The following MAP3K11 variants were observed in gnomAD, a reference collection of about 807,000 sequenced individuals.
The protein encoded by MAP3K11 is mitogen-activated protein kinase kinase kinase 11.
Under a neutral mutation model 84.9 loss-of-function variants are expected in MAP3K11, and 46 were observed. The ratio of observed to expected loss-of-function variants is 0.54; its 90% CI spans 0.43 to 0.69. The LOEUF is 0.69. Ranked by LOEUF, MAP3K11 falls within the 30% of genes least tolerant of loss-of-function variation. MAP3K11 has a pLI of 0.00. For missense variants in MAP3K11, 1,053 were observed against 1,198.3 expected, an observed-to-expected ratio of 0.88 and a Z score of 1.79; for synonymous variants, 527 against 514.7, an observed-to-expected ratio of 1.02 and a Z score of -0.32.
chr11:65,608,602 ACATTT>A (rs1041360464), intron 1 of MAP3K11, 154 bp from the exon 2 acceptor site: 1 of 616,682 alleles, frequency 1.6e-6, no homozygotes, highest in African/African-American at 1.9e-5. Context: ...TTGAGGTCAG[ACATTT>A]CTTTTCTTTT....
At chr11:65,604,513 T>C (rs1023933767) in intron 8 of MAP3K11, among the ~76,000 whole-genome samples, 1 of 152,218 alleles carries the variant, frequency 6.6e-6, no homozygotes, top group Non-Finnish European at 1.5e-5. Context: ...GCCTCTGTGG[T>C]CAGACAGGCA....
rs2135375223 is a variant in MAP3K11, at chr11:65,613,310, G to A, written c.447C>T (p.Asp149=). The A allele has an allele frequency of 1.2e-6, 2 of 1,613,170 alleles. No homozygotes were observed. The highest frequency in any genetic ancestry group is 2.2e-5 in the East Asian group (1 of 44,884). Residue 149 remains aspartate (D), a synonymous_variant, in exon 1 of 10, where the codon GAC becomes GAT. Transcript: ENST00000309100. ...CTGTCACACTGATGTCCTCATCGGG[G>A]TCCTGGCGAGCTGCCTTCACAGCCA... The part of the protein sequence containing the change: ...ELVAVKAARQ[D]PDEDISVTAE...
chr11:65,606,770 G>T lies in MAP3K11; in HGVS notation c.1524C>A (p.Pro508=). ...AGACGTTTCTCCTCCGGTCAAGGCC[G>T]GGTGAGGCCTGCACGGTGATGCGGT... is the stretch of plus-strand genomic sequence containing the variant. ...FKHRITVQAS[P]GLDRRRNVFE... is the part of the protein sequence containing the mutation. The change falls in exon 6 of 10, where the codon CCC becomes CCA. Residue 508 remains proline, a synonymous_variant. Coordinates refer to ENST00000309100, the MANE Select transcript of MAP3K11 (RefSeq NM_002419.4). 6.2e-7 allele frequency: 1 copy of T among 1,607,712 alleles called. No individual in the cohort carries two copies. Among genetic ancestry groups the T allele is most frequent in the Non-Finnish European group, 8.5e-7 (1 of 1,177,326 alleles).
In MAP3K11 at chr11:65,614,112, C is replaced by G. The variant is rs115625190; in HGVS notation, c.-356G>C. ...TGTAAGGTGGGGCCTTCAGGGGCAGCGCCTCAACTCCGGTTGGGTCTTTTT... is the reference window on the plus strand; with the variant it reads ...TGTAAGGTGGGGCCTTCAGGGGCAGGGCCTCAACTCCGGTTGGGTCTTTTT... On this transcript the variant is annotated 5_prime_UTR_variant, in exon 1 of 10. Transcript: ENST00000309100. 3.9e-3 allele frequency: 933 copies of G among 237,376 alleles called. 12 individuals carry two copies. The highest frequency in any genetic ancestry group is 0.02 in the African/African-American group (872 of 44,428). 14.7% of individuals were successfully genotyped at this position (237,376 alleles called of 1,614,324 possible). A position where few individuals can be genotyped will look rare whatever the true frequency, so the allele number is the denominator to read the frequency against.
chr11:65,607,252 C>T lies in MAP3K11; in HGVS notation c.1489+18G>A. On this transcript the variant is annotated intron_variant, in intron 5 of 9. Transcript: ENST00000309100. ...CCCGCAGCCAATGGCGGGGGACGCC[C>T]CGGGGCCCGGCCCTCACCGAGTGGC... 6.8e-7 allele frequency: 1 copy of T among 1,479,202 alleles called. No individual in the cohort carries two copies. The highest frequency in any genetic ancestry group is 8.9e-7 in the Non-Finnish European group (1 of 1,125,434). The allele number at this position is 1,479,202 out of a possible 1,614,324, so 91.6% of individuals were successfully genotyped here.
intron 5 of MAP3K11, 190 bp downstream of exon 5, chr11:65,607,080 T>G (rs1280836905): frequency 7.2e-6 from 6 of 836,108 alleles, no homozygotes; most frequent in South Asian, 4.1e-5. Context: ...CAGACCGACA[T>G]GCAAATACTT....
At chr11:65,605,695 TG>T in intron 8 of MAP3K11, 65 bp downstream of exon 8, 1 of 1,206,328 alleles carries the variant, frequency 8.3e-7, no homozygotes. Flanking sequence ...TAGCCTATTG[TG>T]GCCTCCCCAA....
chr11:65,599,592 C>G lies in MAP3K11; in HGVS notation c.2008G>C (p.Glu670Gln). 6.6e-7 allele frequency: 1 copy of G among 1,523,354 alleles called. No individual in the cohort carries two copies. Among genetic ancestry groups the G allele is most frequent in the Non-Finnish European group, 8.7e-7 (1 of 1,144,024 alleles). 94.4% of individuals were successfully genotyped at this position (1,523,354 alleles called of 1,614,324 possible). Residue 670 changes from glutamate to glutamine, a missense_variant, in exon 9 of 10, where the codon GAG (glutamate) becomes CAG (glutamine). By Grantham distance (29) the Glu-to-Gln change is conservative (BLOSUM62 2). Coordinates refer to ENST00000309100, the MANE Select transcript of MAP3K11 (RefSeq NM_002419.4). ...DLQPPGGPGR[E>Q]RGESPTTPPT... ...GGTGTTGTCGGGGACTCCCCGCGCT[C>G]GCGTCCTGGGCCTCCCGGCGGCTGC...
chr11:65,603,469 T>G (rs1227445323), intron 8 of MAP3K11, among the ~76,000 whole-genome samples: 1 of 152,254 alleles, frequency 6.6e-6, no homozygotes, highest in Admixed American at 6.5e-5. Context: ...ACCCTGCCAA[T>G]GTGCCACTCC....
intron 8 of MAP3K11, among the ~76,000 whole-genome samples, chr11:65,601,774 A>C (rs1276079465): frequency 6.6e-6 from 1 of 150,716 alleles, no homozygotes; most frequent in Non-Finnish European, 1.5e-5. Flanking sequence ...AAAAAAGCAA[A>C]TTCTTGTTTG....
Position 65,607,249 on chromosome 11 carries a change from GC to G in MAP3K11, c.1489+20del. 1.4e-6 allele frequency: 2 copies of G among 1,466,482 alleles called. No homozygotes were observed. Among genetic ancestry groups the G allele is most frequent in the Non-Finnish European group, 1.8e-6 (2 of 1,119,648 alleles). The allele number at this position is 1,466,482 out of a possible 1,614,324, so 90.8% of individuals were successfully genotyped here. ...ACCCCCGCAGCCAATGGCGGGGGAC[GC>G]CCCGGGGCCCGGCCCTCACCGAGTG... On this transcript the variant is annotated intron_variant, in intron 5 of 9. Transcript: ENST00000309100.
rs1257990150 is a variant in MAP3K11 at position 65,598,278 on chromosome 11, T to G, written c.*13A>C. On this transcript the variant is annotated 3_prime_UTR_variant, in exon 10 of 10. Transcript: ENST00000309100. ...CTAAGGCAGCTGGAGCTCGGGGGAG[T>G]GGCCTGGCCCACTCAAGGCCCCGCT... The G allele has an allele frequency of 2.8e-6, 4 of 1,428,854 alleles. No individual in the cohort carries two copies. The highest frequency in any genetic ancestry group is 2.9e-5 in the Admixed American group (1 of 34,754). The allele number at this position is 1,428,854 out of a possible 1,614,324, so 88.5% of individuals were successfully genotyped here.
chr11:65,610,795 G>A (rs1236244578), intron 1 of MAP3K11: 1 of 152,270 alleles, frequency 6.6e-6, no homozygotes, highest in Non-Finnish European at 1.5e-5. Context: ...GAGGCCCAGA[G>A]AGGGGCAACA....
chr11:65,597,980 TC>T lies in MAP3K11; in HGVS notation c.*310del, dbSNP rs1854400468. On this transcript the variant is annotated 3_prime_UTR_variant, in exon 10 of 10. Transcript: ENST00000309100. ...GAGGCCGGCCCCTCTTCCCTGCACC[TC>T]CCCTCCTCCCTGCATCACCCCAGCA... 1 of 305,394 alleles carries T rather than the reference TC, an allele frequency of 3.3e-6. No individual in the cohort carries two copies. The highest frequency in any genetic ancestry group is 6.0e-6 in the Non-Finnish European group (1 of 166,066). 18.9% of individuals were successfully genotyped at this position (305,394 alleles called of 1,614,324 possible).
chr11:65,605,991 G>C lies in MAP3K11; in HGVS notation c.1694C>G (p.Ala565Gly). 6.2e-7 allele frequency: 1 copy of C among 1,602,230 alleles called. No homozygotes were observed. Among genetic ancestry groups the C allele is most frequent in the Non-Finnish European group, 8.5e-7 (1 of 1,175,594 alleles). ...AGGCTTGGGGGAACTGGGACCCCAA[G>C]CCCAGCATGCTCGCCGCTCTCCATT... is the stretch of plus-strand genomic sequence containing the variant. The part of the protein sequence containing the change: ...SSNGERRACW[A>G]WGPSSPKPGE... The change falls in exon 7 of 10, where the codon GCT becomes GGT. Residue 565 changes from alanine to glycine, a missense_variant. Physicochemically the swap from Ala to Gly is moderately conservative, Grantham distance 60 (BLOSUM62 0). Coordinates refer to ENST00000309100, the MANE Select transcript of MAP3K11 (RefSeq NM_002419.4).
rs758811212 is a variant in MAP3K11, at chr11:65,607,412, C to T, written c.1347G>A (p.Glu449=). 6.0e-6 allele frequency: 9 copies of T among 1,511,434 alleles called. No homozygotes were observed. Among genetic ancestry groups the T allele is most frequent in the East Asian group, 2.4e-5 (1 of 41,804 alleles). 93.6% of individuals were successfully genotyped at this position (1,511,434 alleles called of 1,614,324 possible). A position where few individuals can be genotyped will look rare whatever the true frequency, so the allele number is the denominator to read the frequency against. ...RRREHLLAQW[E]LEVFERELTL... ...TCAGCTCGCGCTCGAACACCTCTAG[C>T]TCCCACTGGGCCAGCAGGTGCTCGC... Residue 449 remains glutamate (E), a synonymous_variant, in exon 5 of 10, where the codon GAG becomes GAA. Transcript: ENST00000309100.
chr11:65,598,934 CT>C (rs1315014764), intron 9 of MAP3K11, among the ~76,000 whole-genome samples: 1 of 152,114 alleles, frequency 6.6e-6, no homozygotes, highest in African/African-American at 2.4e-5. Flanking sequence ...GCGCTTAGTT[CT>C]CTGGTTGTTA....
In MAP3K11 at chr11:65,606,028, C is replaced by T. The variant is rs770556617; in HGVS notation, c.1657G>A (p.Glu553Lys). The T allele has an allele frequency of 6.3e-7, 1 of 1,596,820 alleles. No individual in the cohort carries two copies. Among genetic ancestry groups the T allele is most frequent in the East Asian group, 2.3e-5 (1 of 43,902 alleles). Residue 553 changes from glutamate to lysine, a missense_variant, in exon 7 of 10, where the codon GAG becomes AAG. Glu to Lys is a moderately conservative substitution (Grantham distance 56, BLOSUM62 1). Transcript: ENST00000309100. ...CGCCGCTCTCCATTGCTTGAGTCCT[C>T]CAGACGTCGGGGGGACTGGCGGCCC... ...AWGRQSPRRL[E>K]DSSNGERRAC...
chr11:65,608,396 C>T lies in MAP3K11; in HGVS notation c.792G>A (p.Lys264=). ...CTCGGGCCAGGCCAAAGTCGGTGATCTTCAGGGTCTTGTGCTCCATGTCGT... is the reference window on the plus strand; with the variant it reads ...CTCGGGCCAGGCCAAAGTCGGTGATTTTCAGGGTCTTGTGCTCCATGTCGT... ...ESDDMEHKTL[K]ITDFGLAREW... is the part of the protein sequence containing the mutation. The change falls in exon 2 of 10, where the codon AAG becomes AAA. Residue 264 remains lysine, a synonymous_variant. Coordinates refer to ENST00000309100, the MANE Select transcript of MAP3K11 (RefSeq NM_002419.4). The T allele has an allele frequency of 6.2e-7, 1 of 1,614,242 alleles. No homozygotes were observed. Among genetic ancestry groups the T allele is most frequent in the South Asian group, 1.1e-5 (1 of 91,090 alleles).
Sources: allele counts gnomAD v4.1 joint callset (sites outside exome capture counted in the v4.1 genomes callset), GRCh38; gene constraint gnomAD v4.1.1; transcripts MANE v1.5; gene names NCBI Gene and HGNC (gene_info 2026-07-23, HGNC 2026-07-21).